Variants in USP15 observed in about 807,000 individuals in gnomAD.
USP15 encodes the protein ubiquitin specific peptidase 15.
USP15 carries 18 observed loss-of-function variants against 127.1 expected under a neutral mutation model. The ratio of observed to expected loss-of-function variants is 0.14; its 90% CI spans 0.10 to 0.21. The LOEUF is 0.21. USP15 is among the 10% of genes least tolerant of loss of function. The probability of loss-of-function intolerance (pLI) is 1.00; values close to 1 mark genes in which losing one functional copy is unlikely to be tolerated. For synonymous variants in USP15, 364 were observed against 393.7 expected, an observed-to-expected ratio of 0.92 and a Z score of 0.89; for missense variants, 805 against 1,159.9, an observed-to-expected ratio of 0.69 and a Z score of 4.44.
At chr12:62,396,197 G>GAT (rs1053428100) in intron 19 of USP15, 98 bp from the exon 20 acceptor site, 40 of 712,134 alleles carry the variant, frequency 5.6e-5, no homozygotes, top group Non-Finnish European at 5.5e-5. Context: ...GATAGATATA[G>GAT]ATATATATAT....
chr12:62,399,019 T>A (rs532189146), intron 20 of USP15, among the ~76,000 whole-genome samples: 5 of 152,252 alleles, frequency 3.3e-5, no homozygotes, highest in African/African-American at 1.2e-4. Context: ...TTTTTTTAGG[T>A]ATTACAAGTG....
At position 62,295,135 on chromosome 12, in the gene USP15, A is replaced by AC. The variant is rs529342057; in HGVS notation, c.217+838dup. Among the ~76,000 whole-genome samples, 755 of 148,968 alleles carry AC rather than the reference A, an allele frequency of 5.1e-3. 2 individuals are homozygous for AC. Among genetic ancestry groups the AC allele is most frequent in the South Asian group, 9.9e-3 (46 of 4,668 alleles). On this transcript the variant is annotated intron_variant, in intron 2 of 21. Transcript: ENST00000280377. ...GTAGCTCAGAGAGAGAGAGACCTAG[A>AC]CCCCCCCCCATAGGGTTGCTCTTAA...
intron 3 of USP15, among the ~76,000 whole-genome samples, chr12:62,313,577 C>A (rs572609105): frequency 6.6e-6 from 1 of 151,668 alleles, no homozygotes; most frequent in Non-Finnish European, 1.5e-5. Flanking sequence ...TGTTTCTCTA[C>A]TTAAATATAA....
intron 4 of USP15, among the ~76,000 whole-genome samples, chr12:62,315,329 G>A (rs191714805): frequency 2.9e-4 from 44 of 152,000 alleles, no homozygotes; most frequent in African/African-American, 9.4e-4. Context: ...CAGGCTTAGC[G>A]TTATTTTGAC....
chr12:62,309,580 A>G (rs373966141), intron 3 of USP15, among the ~76,000 whole-genome samples: 2 of 152,066 alleles, frequency 1.3e-5, no homozygotes, highest in East Asian at 1.9e-4. Flanking sequence ...TAAACATGAC[A>G]TAAAACCTGA....
chr12:62,336,149 AC>A, intron 6 of USP15: 1 of 985,398 alleles, frequency 1.0e-6, no homozygotes, highest in Non-Finnish European at 1.2e-6. Context: ...CTTTTATCAT[AC>A]CATAGTAGGT....
At chr12:62,397,637 T>A (rs1364794747) in intron 20 of USP15, among the ~76,000 whole-genome samples, 1 of 151,790 alleles carries the variant, frequency 6.6e-6, no homozygotes, top group Non-Finnish European at 1.5e-5. Flanking sequence ...GGCGGGTGAA[T>A]CATGAGGCCA....
At chr12:62,264,659 C>T (rs1243637711) in intron 1 of USP15, among the ~76,000 whole-genome samples, 2 of 152,128 alleles carry the variant, frequency 1.3e-5, no homozygotes, top group Non-Finnish European at 2.9e-5. Context: ...CTGTCCATTC[C>T]GACTTTTACT....
intron 3 of USP15, among the ~76,000 whole-genome samples, chr12:62,314,484 A>T (rs1441218624): frequency 6.6e-6 from 1 of 151,876 alleles, no homozygotes; most frequent in Non-Finnish European, 1.5e-5. Context: ...ATAAATACTG[A>T]ATATTAATTA....
At chr12:62,261,782 A>G (rs1481834604) in intron 1 of USP15, among the ~76,000 whole-genome samples, 1 of 152,200 alleles carries the variant, frequency 6.6e-6, no homozygotes. Flanking sequence ...TTAAGCTAAT[A>G]GGTGGCAGAC....
chr12:62,341,758 T>A (rs561903102), intron 6 of USP15, among the ~76,000 whole-genome samples: 1 of 152,370 alleles, frequency 6.6e-6, no homozygotes, highest in Admixed American at 6.5e-5. Flanking sequence ...GCTGTTAGTC[T>A]GATGGGCTTC....
intron 11 of USP15, among the ~76,000 whole-genome samples, chr12:62,389,032 G>C (rs1328066758): frequency 6.6e-6 from 1 of 152,030 alleles, no homozygotes; most frequent in East Asian, 1.9e-4. Flanking sequence ...GGCTGAATTC[G>C]GAAGATGGCT....
At chr12:62,386,309 C>T (rs1014824135) in intron 11 of USP15, among the ~76,000 whole-genome samples, 3 of 151,650 alleles carry the variant, frequency 2.0e-5, no homozygotes, top group South Asian at 2.1e-4. Flanking sequence ...TGAGTTTTCC[C>T]GTCATTGAAG....
At chr12:62,385,327 A>G (rs749321553) in intron 11 of USP15, among the ~76,000 whole-genome samples, 12 of 151,920 alleles carry the variant, frequency 7.9e-5, no homozygotes, top group Non-Finnish European at 1.6e-4. Flanking sequence ...GTTAGTGCAT[A>G]ATAGTCACGA....
At chr12:62,343,277 C>T (rs1468754026) in intron 6 of USP15, among the ~76,000 whole-genome samples, 3 of 152,118 alleles carry the variant, frequency 2.0e-5, no homozygotes, top group South Asian at 2.1e-4. Context: ...CAAGCTCGAT[C>T]GTCCCAGGTC....
At chr12:62,309,854 C>A (rs912932015) in intron 3 of USP15, among the ~76,000 whole-genome samples, 4 of 151,376 alleles carry the variant, frequency 2.6e-5, no homozygotes, top group East Asian at 1.9e-4. Flanking sequence ...AAAAAAAACT[C>A]CTAGAAAACT....
chr12:62,292,881 C>G (rs532782923), intron 1 of USP15, among the ~76,000 whole-genome samples: 4 of 152,216 alleles, frequency 2.6e-5, no homozygotes, highest in Non-Finnish European at 5.9e-5. Context: ...CTAACTAGCA[C>G]TGTGCCACTG....
At chr12:62,299,031 C>T (rs1197670110) in intron 2 of USP15, among the ~76,000 whole-genome samples, 1 of 152,108 alleles carries the variant, frequency 6.6e-6, no homozygotes, top group Non-Finnish European at 1.5e-5. Flanking sequence ...CTGCCACCCC[C>T]CACTCTAGAC....
At chr12:62,390,071 A>G (rs1345004153) in intron 14 of USP15, 83 bp downstream of exon 14, 1 of 1,283,190 alleles carries the variant, frequency 7.8e-7, no homozygotes, top group African/African-American at 1.5e-5. Flanking sequence ...CACATAAGGT[A>G]CTATTGGAAT....
Sources: gnomAD v4.1 joint callset for allele counts (sites outside exome capture counted in the v4.1 genomes callset) on GRCh38, gnomAD v4.1.1 for gene constraint, MANE v1.5 for transcripts, NCBI Gene and HGNC (gene_info 2026-07-23, HGNC 2026-07-21) for gene names.